MACROD2: variants seen among roughly 807,000 people sequenced by gnomAD.
MACROD2 encodes the protein ADP-ribose glycohydrolase MACROD2.
Under a neutral mutation model 70.4 loss-of-function variants are expected in MACROD2, and 36 were observed. The ratio of observed to expected loss-of-function variants is 0.51; its 90% CI spans 0.39 to 0.68. The LOEUF is 0.68. Ranked by LOEUF, MACROD2 falls within the 30% of genes least tolerant of loss-of-function variation. The probability of loss-of-function intolerance (pLI) is 0.00; values close to 1 mark genes in which losing one functional copy is unlikely to be tolerated. For synonymous variants in MACROD2, 172 were observed against 178.8 expected, an observed-to-expected ratio of 0.96 and a Z score of 0.30; for missense variants, 496 against 538.4, an observed-to-expected ratio of 0.92 and a Z score of 0.78.
chr20:14,819,866 C>T (rs987327916), intron 5 of MACROD2, among the ~76,000 whole-genome samples: 4 of 151,880 alleles, frequency 2.6e-5, no homozygotes, highest in East Asian at 1.9e-4. Flanking sequence ...CAGAAGAAGC[C>T]GAGGAGATGG....
intron 8 of MACROD2, among the ~76,000 whole-genome samples, chr20:15,850,153 T>C (rs138151763): frequency 3.7e-4 from 56 of 152,216 alleles, no homozygotes; most frequent in South Asian, 6.2e-4. Context: ...AGAGTGCAGG[T>C]AGATTATCTG....
At chr20:14,951,626 G>A (rs1345217552) in intron 5 of MACROD2, among the ~76,000 whole-genome samples, 4 of 152,100 alleles carry the variant, frequency 2.6e-5, no homozygotes, top group Admixed American at 6.6e-5. Flanking sequence ...CCAGAGACTG[G>A]ACAAAATGAA....
At chr20:15,282,452 G>T (rs1254627148) in intron 6 of MACROD2, among the ~76,000 whole-genome samples, 4 of 152,134 alleles carry the variant, frequency 2.6e-5, no homozygotes, top group African/African-American at 9.7e-5. Context: ...GCTTTTAAGA[G>T]CACCCAAGTC....
At chr20:14,490,132 C>T (rs897937742) in intron 3 of MACROD2, among the ~76,000 whole-genome samples, 1 of 151,970 alleles carries the variant, frequency 6.6e-6, no homozygotes, top group South Asian at 2.1e-4. Flanking sequence ...ATTGTATTCA[C>T]TTTTTTTGGT....
intron 5 of MACROD2, among the ~76,000 whole-genome samples, chr20:15,081,196 AT>A (rs2123134336): frequency 6.6e-6 from 1 of 152,242 alleles, no homozygotes; most frequent in East Asian, 1.9e-4. Flanking sequence ...TAATAAAAAA[AT>A]TAAATGAAAT....
At chr20:15,792,785 T>C (rs917669797) in intron 8 of MACROD2, among the ~76,000 whole-genome samples, 1 of 152,212 alleles carries the variant, frequency 6.6e-6, no homozygotes, top group Non-Finnish European at 1.5e-5. Context: ...GAATATACAT[T>C]TCTTCATGAC....
intron 5 of MACROD2, among the ~76,000 whole-genome samples, chr20:15,218,874 G>C (rs1239936073): frequency 1.3e-5 from 2 of 150,658 alleles, no homozygotes; most frequent in African/African-American, 4.9e-5. Flanking sequence ...TGAAACACTT[G>C]TCTCTACTAA....
intron 3 of MACROD2, among the ~76,000 whole-genome samples, chr20:14,419,393 T>C (rs1042573715): frequency 1.3e-5 from 2 of 152,232 alleles, no homozygotes; most frequent in African/African-American, 4.8e-5. Context: ...ATTAGGTATC[T>C]TCTAAAGTTG....
At chr20:14,264,633 T>G (rs935747335) in intron 3 of MACROD2, among the ~76,000 whole-genome samples, 1 of 151,902 alleles carries the variant, frequency 6.6e-6, no homozygotes. Flanking sequence ...TGAGATAAGG[T>G]TGGGAAAGTA....
intron 7 of MACROD2, among the ~76,000 whole-genome samples, chr20:15,469,678 C>T (rs1320463576): frequency 2.0e-5 from 3 of 152,222 alleles, no homozygotes; most frequent in East Asian, 3.9e-4. Flanking sequence ...TGTAAGGAGC[C>T]ATCCAAAGAG....
At chr20:14,475,483 G>A (rs562255140) in intron 3 of MACROD2, among the ~76,000 whole-genome samples, 27 of 152,106 alleles carry the variant, frequency 1.8e-4, no homozygotes, top group Non-Finnish European at 2.6e-4. Flanking sequence ...CCTTCAGATA[G>A]TTTCACACAG....
intron 15 of MACROD2, among the ~76,000 whole-genome samples, chr20:15,999,206 C>T (rs2066675707): frequency 6.6e-6 from 1 of 152,022 alleles, no homozygotes; most frequent in African/African-American, 2.4e-5. Context: ...TTGTTTGTCT[C>T]AAGATTCTTT....
intron 4 of MACROD2, among the ~76,000 whole-genome samples, chr20:14,507,398 G>T (rs1007394690): frequency 1.3e-5 from 2 of 152,180 alleles, no homozygotes; most frequent in African/African-American, 2.4e-5. Context: ...GAAGGAATAA[G>T]GAGTTATTGT....
intron 5 of MACROD2, among the ~76,000 whole-genome samples, chr20:14,830,492 A>G (rs771366581): frequency 2.0e-5 from 3 of 152,188 alleles, no homozygotes; most frequent in Non-Finnish European, 2.9e-5. Flanking sequence ...TATTGGAAAG[A>G]GTATGTTAAC....
chr20:14,843,696 C>G (rs920493968), intron 5 of MACROD2, among the ~76,000 whole-genome samples: 2 of 152,036 alleles, frequency 1.3e-5, no homozygotes, highest in Non-Finnish European at 2.9e-5. Context: ...TTTCTGAGAA[C>G]TTTTGTTTTC....
rs60499793 is a variant in MACROD2 at position 16,010,418 on chromosome 20, A to G, written c.1153+23260A>G. On this transcript the variant is annotated intron_variant, in intron 15 of 17. Transcript: ENST00000684519. ...AGCCACAGAAACCAGAGGACAGAGT[A>G]TAAAAGGATAGTACTTTGTCTCCTA... 3.2e-3 allele frequency among the ~76,000 whole-genome samples: 486 copies of G among 152,352 alleles called. 2 individuals carry two copies. Among genetic ancestry groups the G allele is most frequent in the African/African-American group, 0.011 (472 of 41,570 alleles).
At chr20:15,040,350 C>T (rs374603499) in intron 5 of MACROD2, among the ~76,000 whole-genome samples, 7 of 152,214 alleles carry the variant, frequency 4.6e-5, no homozygotes, top group African/African-American at 1.7e-4. Flanking sequence ...AATGCAGCCC[C>T]TCTCAATAGT....
rs1191713685 is a variant in MACROD2 at position 15,282,298 on chromosome 20, CAACTTGAATTTCTTTTCAGA to C, written c.540+52240_540+52259del. Among the ~76,000 whole-genome samples the C allele has an allele frequency of 3.9e-5, 6 of 152,336 alleles. No individual in the cohort carries two copies. In the East Asian group the frequency reaches 1.2e-3, roughly 29 times the overall value. ...CGTTACTTATGCAAATTTCTGCAGC[CAACTTGAATTTCTTTTCAGA>C]AAATAGGTTTCTCTTTTTTATCGTA... On this transcript the variant is annotated intron_variant, in intron 6 of 17. Transcript: ENST00000684519.
At chr20:15,493,775 A>T (rs1046068369) in intron 7 of MACROD2, among the ~76,000 whole-genome samples, 5 of 152,370 alleles carry the variant, frequency 3.3e-5, no homozygotes, top group African/African-American at 4.8e-5. Context: ...AATAATTCCA[A>T]CAAACATACA....
Sources: allele counts gnomAD v4.1 joint callset (sites outside exome capture counted in the v4.1 genomes callset), GRCh38; gene constraint gnomAD v4.1.1; transcripts MANE v1.5; gene names NCBI Gene and HGNC (gene_info 2026-07-23, HGNC 2026-07-21).